The following ALK variants were observed in gnomAD, a reference collection of about 807,000 sequenced individuals.
ALK encodes ALK tyrosine kinase receptor.
A neutral mutation model predicts 163.1 loss-of-function variants in ALK; 74 were observed. The observed-to-expected ratio is 0.45, with a 90% CI of 0.38 to 0.55. The LOEUF (loss-of-function observed/expected upper bound fraction) is 0.55, where lower values mean the gene tolerates loss of function less well. Ranked by LOEUF, ALK falls within the 20% of genes least tolerant of loss-of-function variation. The probability of loss-of-function intolerance (pLI) is 0.00; values close to 1 mark genes in which losing one functional copy is unlikely to be tolerated. For synonymous variants in ALK, 960 were observed against 843.2 expected (o/e 1.14, Z -2.40); for missense variants, 2,063 against 2,105.3 (o/e 0.98, Z 0.39).
At chr2:29,441,138 G>T (rs548860970) in intron 4 of ALK, among the ~76,000 whole-genome samples, 2 of 152,216 alleles carry the variant, frequency 1.3e-5, no homozygotes, top group Admixed American at 1.3e-4. Context: ...CCTGCTCAGG[G>T]GCAGAACCTA....
At chr2:29,568,765 T>C (rs1293246857) in intron 3 of ALK, among the ~76,000 whole-genome samples, 4 of 152,202 alleles carry the variant, frequency 2.6e-5, no homozygotes, top group Non-Finnish European at 4.4e-5. Context: ...CTTCTCCCCT[T>C]TGGGGTCCTG....
chr2:29,536,322 T>C (rs1673255228), intron 3 of ALK, among the ~76,000 whole-genome samples: 1 of 149,506 alleles, frequency 6.7e-6, no homozygotes, highest in African/African-American at 2.6e-5. Context: ...TACTCAGTTA[T>C]GTGAGATCTG....
rs116194172 is a variant in ALK, at chr2:29,326,029, C to T, written c.1414+2321G>A. On this transcript the variant is annotated intron_variant, in intron 6 of 28. Transcript: ENST00000389048. Reference sequence around the variant, plus strand: ...CTAAGATCTGAGTGGGAATAACTCTCCTGAATTGAACTTCCCTCCCAGCAA... The same window carrying T: ...CTAAGATCTGAGTGGGAATAACTCTTCTGAATTGAACTTCCCTCCCAGCAA... Among the ~76,000 whole-genome samples, 641 of 152,276 alleles carry T rather than the reference C, an allele frequency of 4.2e-3. 5 individuals are homozygous for T. Among genetic ancestry groups the T allele is most frequent in the African/African-American group, 0.015 (608 of 41,548 alleles).
chr2:29,905,087 C>T (rs889147210), intron 1 of ALK, among the ~76,000 whole-genome samples: 41 of 152,188 alleles, frequency 2.7e-4, no homozygotes, highest in African/African-American at 9.9e-4. Flanking sequence ...CTCCAGATGC[C>T]ACCACACCAC....
At chr2:29,639,296 G>T (rs1266551612) in intron 3 of ALK, among the ~76,000 whole-genome samples, 2 of 152,130 alleles carry the variant, frequency 1.3e-5, no homozygotes, top group African/African-American at 2.4e-5. Flanking sequence ...GTTCCAGAGG[G>T]TTCCTCTTCT....
intron 1 of ALK, among the ~76,000 whole-genome samples, chr2:29,787,272 G>A (rs1249744058): frequency 6.6e-6 from 1 of 152,196 alleles, no homozygotes; most frequent in Non-Finnish European, 1.5e-5. Context: ...TAGAATACAT[G>A]TACTTACTAT....
chr2:29,850,604 T>C (rs1043125342), intron 1 of ALK, among the ~76,000 whole-genome samples: 16 of 152,152 alleles, frequency 1.1e-4, no homozygotes, highest in African/African-American at 3.9e-4. Flanking sequence ...AAAAGGGACC[T>C]TGGCCACAAC....
At chr2:29,549,974 G>C (rs1353811102) in intron 3 of ALK, among the ~76,000 whole-genome samples, 1 of 151,832 alleles carries the variant, frequency 6.6e-6, no homozygotes, top group African/African-American at 2.4e-5. Flanking sequence ...TAAGCCCCTG[G>C]ATAAAAAAGT....
At chr2:29,601,271 T>C (rs1490053474) in intron 3 of ALK, among the ~76,000 whole-genome samples, 6 of 152,190 alleles carry the variant, frequency 3.9e-5, no homozygotes, top group African/African-American at 1.4e-4. Context: ...ATTAATTTAA[T>C]ACTTATCAAG....
Position 29,920,754 on chromosome 2 carries a change from C to A in ALK, c.-95G>T, listed in dbSNP as rs1667979223. The A allele has an allele frequency of 8.7e-7, 1 of 1,149,750 alleles. No homozygotes were observed. The highest frequency in any genetic ancestry group is 1.2e-6 in the Non-Finnish European group (1 of 810,480). The allele number at this position is 1,149,750 out of a possible 1,614,324, so 71.2% of individuals were successfully genotyped here. ...AGAGGCTCTGAACAGTCCTTGGTAC[C>A]CAGCGGCTCCTTCCACCTGATCTCC... On this transcript the variant is annotated 5_prime_UTR_variant, in exon 1 of 29. Transcript: ENST00000389048.
chr2:29,745,240 A>G (rs1680180476), intron 1 of ALK, among the ~76,000 whole-genome samples: 1 of 152,178 alleles, frequency 6.6e-6, no homozygotes, highest in East Asian at 1.9e-4. Context: ...AGATCATCTA[A>G]TTTGCCTAAA....
intron 5 of ALK, among the ~76,000 whole-genome samples, chr2:29,382,785 G>T (rs1668932216): frequency 6.6e-6 from 1 of 152,154 alleles, no homozygotes. Context: ...CTTGAACTGT[G>T]GTTCAATCTA....
chr2:29,761,148 C>T (rs1429308163), intron 1 of ALK, among the ~76,000 whole-genome samples: 2 of 152,208 alleles, frequency 1.3e-5, no homozygotes, highest in Non-Finnish European at 2.9e-5. Flanking sequence ...TAGCCCCCTA[C>T]TCACTAACAG....
intron 1 of ALK, among the ~76,000 whole-genome samples, chr2:29,822,485 C>T (rs998743526): frequency 6.6e-6 from 1 of 152,228 alleles, no homozygotes; most frequent in African/African-American, 2.4e-5. Flanking sequence ...GTCAAAGTCA[C>T]ATGGTTTTTG....
At chr2:29,895,333 T>C (rs1425942192) in intron 1 of ALK, among the ~76,000 whole-genome samples, 1 of 152,210 alleles carries the variant, frequency 6.6e-6, no homozygotes, top group African/African-American at 2.4e-5. Flanking sequence ...TTAGAAAGTC[T>C]TTTTTCATTC....
chr2:29,570,559 A>C (rs977512486), intron 3 of ALK, among the ~76,000 whole-genome samples: 1 of 152,230 alleles, frequency 6.6e-6, no homozygotes, highest in African/African-American at 2.4e-5. Context: ...TCTCACCCTA[A>C]GATAGAAACA....
At chr2:29,802,037 G>A (rs1664479236) in intron 1 of ALK, among the ~76,000 whole-genome samples, 1 of 152,052 alleles carries the variant, frequency 6.6e-6, no homozygotes. Flanking sequence ...AAGGAAAACT[G>A]TACAATCAAA....
chr2:29,681,926 C>G (rs989416360), intron 3 of ALK, among the ~76,000 whole-genome samples: 1 of 152,190 alleles, frequency 6.6e-6, no homozygotes, highest in Non-Finnish European at 1.5e-5. Flanking sequence ...CTCATTCCCA[C>G]AGGCTTCTGG....
At chr2:29,405,771 A>C (rs1669566957) in intron 4 of ALK, among the ~76,000 whole-genome samples, 1 of 152,240 alleles carries the variant, frequency 6.6e-6, no homozygotes. Context: ...CTTCTAGTTA[A>C]AAATAGGCAG....
Sources: gnomAD v4.1 joint callset for allele counts (sites outside exome capture counted in the v4.1 genomes callset) on GRCh38, gnomAD v4.1.1 for gene constraint, MANE v1.5 for transcripts, NCBI Gene and HGNC (gene_info 2026-07-23, HGNC 2026-07-21) for gene names.